SBNO2: variants seen among roughly 807,000 people sequenced by gnomAD.
SBNO2 encodes strawberry notch homolog 2, also known as protein strawberry notch homolog 2.
In SBNO2, 89 loss-of-function variants were observed where a neutral mutation model predicts 146.3. The ratio of observed to expected loss-of-function variants is 0.61; its 90% confidence interval spans 0.51 to 0.73. The LOEUF (loss-of-function observed/expected upper bound fraction) is 0.73, where lower values mean the gene tolerates loss of function less well. SBNO2 is among the 30% of genes least tolerant of loss of function. The pLI, the probability that SBNO2 is intolerant of heterozygous loss-of-function variation, is 0.00. For synonymous variants in SBNO2, 1,147 were observed against 892.6 expected (o/e 1.29, Z -5.08); for missense variants, 2,092 against 2,003.7 (o/e 1.04, Z -0.84).
In SBNO2 at chr19:1,159,611, G is replaced by C. The variant is rs1360747729; in HGVS notation, c.-126-5209C>G. Among the ~76,000 whole-genome samples, 44 of 52,524 alleles carry C rather than the reference G, an allele frequency of 8.4e-4. 1 individual carries two copies. In the Middle Eastern group the frequency reaches 0.02, roughly 24 times the overall value. The allele number at this position is 52,524 out of a possible 152,430, so 34.5% of individuals were successfully genotyped here. On this transcript the variant is annotated intron_variant, in intron 1 of 31. Coordinates refer to ENST00000361757, the MANE Select transcript of SBNO2 (RefSeq NM_014963.3). The stretch of plus-strand genomic sequence containing the variant: ...GACAGTGGAGGGACAGCAGGGGACA[G>C]TGGGGGGCAGTGGGGGGACAGCGGG...
At position 1,108,280 on chromosome 19, in the gene SBNO2, G is replaced by A. The variant is rs1355594105; in HGVS notation, c.4041C>T (p.Pro1347=). The A allele has an allele frequency of 2.6e-6, 4 of 1,510,854 alleles. No homozygotes were observed. The highest frequency in any genetic ancestry group is 3.5e-6 in the Non-Finnish European group (4 of 1,127,950). 93.6% of individuals were successfully genotyped at this position (1,510,854 alleles called of 1,614,324 possible). A position where few individuals can be genotyped will look rare whatever the true frequency, so the allele number is the denominator to read the frequency against. Residue 1347 remains proline (P), a synonymous_variant, in exon 32 of 32, where the codon CCC becomes CCT. Coordinates refer to ENST00000361757, the MANE Select transcript of SBNO2 (RefSeq NM_014963.3). ...AGAGGAAGGG[P]ERQSVIQFSP... is the part of the protein sequence containing the mutation. ...TGAACTGGATCACGCTCTGCCGCTCGGGACCACCGCCCGCCGCGCCCCCCG... is the reference window on the plus strand; with the variant it reads ...TGAACTGGATCACGCTCTGCCGCTCAGGACCACCGCCCGCCGCGCCCCCCG...
chr19:1,110,997 G>C lies in SBNO2; in HGVS notation c.2884+22C>G. On this transcript the variant is annotated intron_variant, in intron 25 of 31. Coordinates refer to ENST00000361757, the MANE Select transcript of SBNO2 (RefSeq NM_014963.3). This position sits in a 1 kb window ranked among gnomAD's most constrained non-coding sequence, Gnocchi z 4.9. ...GAGATGAGAGACAGGAGCGCCTCTG[G>C]GCCTGGGTGTGGGGCACTCACCCTT... 1 of 1,601,814 alleles carries C rather than the reference G, an allele frequency of 6.2e-7. No homozygotes were observed.
intron 1 of SBNO2, among the ~76,000 whole-genome samples, chr19:1,163,323 G>A (rs1396914698): frequency 2.6e-5 from 4 of 152,242 alleles, no homozygotes; most frequent in South Asian, 2.1e-4. Flanking sequence ...GGAGTGACGC[G>A]GCCGCAGACC....
At chr19:1,165,684 A>AT (rs1280539150) in intron 1 of SBNO2, among the ~76,000 whole-genome samples, 17 of 81,558 alleles carry the variant, frequency 2.1e-4, no homozygotes, top group African/African-American at 4.2e-4. Flanking sequence ...CAGTACCCAG[A>AT]CCCCAGATCT....
chr19:1,111,449 G>C, intron 24 of SBNO2, 57 bp downstream of exon 24: 1 of 1,214,640 alleles, frequency 8.2e-7, no homozygotes, highest in South Asian at 1.3e-5. Flanking sequence ...CTGCTCTGGA[G>C]CCCAGTGCTC....
rs781378675 is a variant in SBNO2, at chr19:1,110,900, G to A, written c.2885-12C>T. The A allele has an allele frequency of 5.0e-6, 8 of 1,613,108 alleles. No homozygotes were observed. Among genetic ancestry groups the A allele is most frequent in the Non-Finnish European group, 6.8e-6 (8 of 1,179,294 alleles). On this transcript the variant is annotated splice_polypyrimidine_tract_variant and intron_variant, in intron 25 of 31. Transcript: ENST00000361757. This position sits in a 1 kb window ranked among gnomAD's most constrained non-coding sequence, Gnocchi z 4.9. ...GGTGATGGAACAGTCTGGTAGGGGA[G>A]GGAGCCAAGCCTCAGGCTGCGCTGG... is the stretch of plus-strand genomic sequence containing the variant.
chr19:1,121,628 G>A (rs2079902026), intron 11 of SBNO2, among the ~76,000 whole-genome samples: 2 of 151,836 alleles, frequency 1.3e-5, no homozygotes, highest in African/African-American at 4.9e-5. Flanking sequence ...TCTCCTGTGG[G>A]GGAGCCCCTC....
At position 1,140,376 on chromosome 19, in the gene SBNO2, G is replaced by C. The variant is rs1299238463; in HGVS notation, c.279+6933C>G. Among the ~76,000 whole-genome samples the C allele has an allele frequency of 9.9e-5, 15 of 152,140 alleles. No homozygotes were observed. Among genetic ancestry groups the C allele is most frequent in the Non-Finnish European group, 7.4e-5 (5 of 68,020 alleles). ...CGGTTCACCTGCACACCGCGGCAGG[G>C]GGCCCCACCAGGACACACGGGGCTG... On this transcript the variant is annotated intron_variant, in intron 4 of 31. Coordinates refer to ENST00000361757, the MANE Select transcript of SBNO2 (RefSeq NM_014963.3). This position sits in a 1 kb window ranked among gnomAD's most constrained non-coding sequence, Gnocchi z 4.4.
chr19:1,165,680 CCAGACCCCAGATCT>C lies in SBNO2; in HGVS notation c.-127+8478_-127+8491del, dbSNP rs1480421416. Among the ~76,000 whole-genome samples, 28 of 81,694 alleles carry C rather than the reference CCAGACCCCAGATCT, an allele frequency of 3.4e-4. 1 individual carries two copies. In the South Asian group the frequency reaches 9.3e-3, roughly 27 times the overall value. 53.6% of individuals were successfully genotyped at this position (81,694 alleles called of 152,430 possible). A position where few individuals can be genotyped will look rare whatever the true frequency, so the allele number is the denominator to read the frequency against. On this transcript the variant is annotated intron_variant, in intron 1 of 31. Coordinates refer to ENST00000361757, the MANE Select transcript of SBNO2 (RefSeq NM_014963.3). ...GATCCCAGACCCCAGACCCCAGTAC[CCAGACCCCAGATCT>C]CAGACCCCAGACCCCAGATCTCAGA...
At position 1,173,534 on chromosome 19, in the gene SBNO2, G is replaced by C. The variant is rs1475317973; in HGVS notation, c.-127+638C>G. Among the ~76,000 whole-genome samples, 3 of 152,114 alleles carry C rather than the reference G, an allele frequency of 2.0e-5. No homozygotes were observed. The highest frequency in any genetic ancestry group is 4.8e-5 in the African/African-American group (2 of 41,442). On this transcript the variant is annotated intron_variant, in intron 1 of 31. Transcript: ENST00000361757. The surrounding 1 kb of genome is among the most constrained non-coding windows in gnomAD (Gnocchi z 4.7). ...GGAGCAAGGGGAGGGAGGGAGACAG[G>C]GCTGCGCTGCGGGGCCGAGAAGGCA... is the stretch of plus-strand genomic sequence containing the variant.
intron 24 of SBNO2, among the ~76,000 whole-genome samples, 185 bp from the exon 25 acceptor site, chr19:1,111,278 T>C (rs2079756222): frequency 1.3e-5 from 2 of 152,212 alleles, no homozygotes; most frequent in Admixed American, 1.3e-4. Context: ...AGCATGTTCT[T>C]GGGGAGTAAA....
At position 1,150,344 on chromosome 19, in the gene SBNO2, G is replaced by A. The variant is rs1288256447; in HGVS notation, c.94-902C>T. On this transcript the variant is annotated intron_variant, in intron 2 of 31. Coordinates refer to ENST00000361757, the MANE Select transcript of SBNO2 (RefSeq NM_014963.3). The surrounding 1 kb of genome is among the most constrained non-coding windows in gnomAD (Gnocchi z 6.2). ...CACCTGCGGCTTCGGGGGCAGGGCT[G>A]TGGACACCTCGTGCCCTGCAGAATG... 6.6e-6 allele frequency among the ~76,000 whole-genome samples: 1 copy of A among 152,114 alleles called. No individual in the cohort carries two copies. The highest frequency in any genetic ancestry group is 6.5e-5 in the Admixed American group (1 of 15,276).
chr19:1,156,252 C>T (rs1386278155), intron 1 of SBNO2, among the ~76,000 whole-genome samples: 1 of 152,126 alleles, frequency 6.6e-6, no homozygotes, highest in Non-Finnish European at 1.5e-5. Flanking sequence ...GGCGGCAACC[C>T]CAGGAGGCTC....
At position 1,157,752 on chromosome 19, in the gene SBNO2, A is replaced by T. The variant is rs1342635216; in HGVS notation, c.-126-3350T>A. ...ACAACCACTGGGAAGGCAGAACCTCAGACAGGACCAAGATCCGGGAGAATC... is the reference window on the plus strand; with the variant it reads ...ACAACCACTGGGAAGGCAGAACCTCTGACAGGACCAAGATCCGGGAGAATC... On this transcript the variant is annotated intron_variant, in intron 1 of 31. Transcript: ENST00000361757. This position sits in a 1 kb window ranked among gnomAD's most constrained non-coding sequence, Gnocchi z 6.8. 6.6e-6 allele frequency among the ~76,000 whole-genome samples: 1 copy of T among 152,198 alleles called. No homozygotes were observed. Among genetic ancestry groups the T allele is most frequent in the Non-Finnish European group, 1.5e-5 (1 of 68,034 alleles).
chr19:1,122,939 C>T lies in SBNO2; in HGVS notation c.735G>A (p.Gly245=). ...TYTLALPSDS[G]ALSALQLEAI... is the part of the protein sequence containing the mutation. ...CCTCTAGCTGCAGGGCAGACAGGGC[C>T]CCGCTGTCCGAGGGCAGGGCCAGGG... Residue 245 remains glycine (G), a synonymous_variant, in exon 8 of 32, where the codon GGG becomes GGA. Transcript: ENST00000361757. 6.4e-7 allele frequency: 1 copy of T among 1,559,014 alleles called. No individual in the cohort carries two copies. Among genetic ancestry groups the T allele is most frequent in the South Asian group, 1.2e-5 (1 of 84,442 alleles).
intron 4 of SBNO2, among the ~76,000 whole-genome samples, chr19:1,138,802 G>GGACAGACACAGTGGGGCCCTCCACA (rs2080108859): frequency 6.9e-6 from 1 of 145,692 alleles, no homozygotes; most frequent in African/African-American, 2.6e-5. Flanking sequence ...GGCCCTCCAC[G>GGACAGACACAGTGGGGCCCTCCACA]CCTCCATCAC....
chr19:1,165,566 CTGGGGAA>C (rs1469166718), intron 1 of SBNO2, among the ~76,000 whole-genome samples: 2 of 152,086 alleles, frequency 1.3e-5, no homozygotes, highest in African/African-American at 4.8e-5. Flanking sequence ...GAAACCACAT[CTGGGGAA>C]CCAGACCCCA....
chr19:1,122,592 TCCCCC>T, intron 9 of SBNO2, 34 bp from the exon 10 acceptor site: 3 of 1,455,694 alleles, frequency 2.1e-6, no homozygotes, highest in Non-Finnish European at 2.8e-6. Flanking sequence ...CGCCCACCCT[TCCCCC>T]TCGCCCCCCG....
In SBNO2 at chr19:1,136,391, C is replaced by A. The variant is rs2080084860; in HGVS notation, c.280-8626G>T. Among the ~76,000 whole-genome samples the A allele has an allele frequency of 6.6e-6, 1 of 152,240 alleles. No individual in the cohort carries two copies. Among genetic ancestry groups the A allele is most frequent in the Non-Finnish European group, 1.5e-5 (1 of 68,044 alleles). ...GGCCCTGGGGCCGCCGCCTCAGTGT[C>A]TTCTGGTGCTGCAGCCGGGCAGGGC... On this transcript the variant is annotated intron_variant, in intron 4 of 31. Transcript: ENST00000361757. This position sits in a 1 kb window ranked among gnomAD's most constrained non-coding sequence, Gnocchi z 4.2.
Sources: allele counts gnomAD v4.1 joint callset (sites outside exome capture counted in the v4.1 genomes callset), GRCh38; gene constraint gnomAD v4.1.1; non-coding constraint Gnocchi (gnomAD v3.1); transcripts MANE v1.5; gene names NCBI Gene and HGNC (gene_info 2026-07-23, HGNC 2026-07-21).